Variants in MARK1 observed in about 807,000 individuals in gnomAD.
MARK1 encodes microtubule affinity regulating kinase 1, also known as serine/threonine-protein kinase MARK1.
In MARK1, 40 loss-of-function variants were observed where a neutral mutation model predicts 96.3. That is an observed-to-expected ratio of 0.42 (90% CI 0.32 to 0.54). The LOEUF is 0.54. Ranked by LOEUF, MARK1 falls within the 20% of genes least tolerant of loss-of-function variation. MARK1 has a pLI of 0.16. For synonymous variants in MARK1, 317 were observed against 341.2 expected (o/e 0.93, Z 0.78); for missense variants, 719 against 984.6 (o/e 0.73, Z 3.61).
At position 220,662,009 on chromosome 1, in the gene MARK1, A is replaced by T; in HGVS notation, c.2231A>T (p.His744Leu). ...QKERFLLFCV[H>L]GDARQDSLVQ... ...GAGAGATTTTTGCTTTTCTGTGTCC[A>T]TGGAGACGCTAGACAGGATAGCCTC... Residue 744 changes from histidine (H) to leucine (L), a missense_variant, in exon 18 of 18, where the codon CAT becomes CTT. By Grantham distance (99) the His-to-Leu change is moderately conservative (BLOSUM62 -3). Around this residue, in one of 4 missense-constraint regions of MARK1, gnomAD observed 501 missense variants for 588.3 expected, o/e 0.85. Transcript: ENST00000366917. The T allele has an allele frequency of 6.2e-7, 1 of 1,614,236 alleles. No homozygotes were observed. Among genetic ancestry groups the T allele is most frequent in the Non-Finnish European group, 8.5e-7 (1 of 1,180,032 alleles).
At chr1:220,589,938 A>C (rs1188011912) in intron 3 of MARK1, among the ~76,000 whole-genome samples, 1 of 152,180 alleles carries the variant, frequency 6.6e-6, no homozygotes, top group Non-Finnish European at 1.5e-5. Context: ...CTCTGTTTCA[A>C]AGTAAACTTC....
intron 6 of MARK1, among the ~76,000 whole-genome samples, chr1:220,608,392 A>G (rs908744529): frequency 6.6e-5 from 10 of 152,096 alleles, no homozygotes; most frequent in African/African-American, 1.4e-4. Context: ...TGTGGGATCA[A>G]TGGTGATATC....
intron 3 of MARK1, among the ~76,000 whole-genome samples, chr1:220,590,044 G>A (rs1365698505): frequency 2.6e-5 from 4 of 152,278 alleles, no homozygotes; most frequent in East Asian, 3.9e-4. Context: ...TGGGTTAAAA[G>A]ATCACATATG....
intron 6 of MARK1, among the ~76,000 whole-genome samples, chr1:220,611,094 A>G (rs1292261545): frequency 6.6e-6 from 1 of 152,188 alleles, no homozygotes; most frequent in African/African-American, 2.4e-5. Context: ...TGGGAGAACC[A>G]CTGCTCTCTT....
chr1:220,558,061 T>C (rs940023871), intron 1 of MARK1, among the ~76,000 whole-genome samples: 1 of 151,194 alleles, frequency 6.6e-6, no homozygotes, highest in Non-Finnish European at 1.5e-5. Flanking sequence ...GCCTGGGAGG[T>C]CAAGGTTGCA....
chr1:220,652,760 G>A (rs2103057624), intron 15 of MARK1, among the ~76,000 whole-genome samples: 1 of 152,194 alleles, frequency 6.6e-6, no homozygotes, highest in Middle Eastern at 3.4e-3. Flanking sequence ...TTTATTCAAA[G>A]CCTTTTTAAT....
chr1:220,552,913 A>G (rs1343647355), intron 1 of MARK1, among the ~76,000 whole-genome samples: 2 of 152,126 alleles, frequency 1.3e-5, no homozygotes, highest in Non-Finnish European at 2.9e-5. Flanking sequence ...GTGTTGTTCT[A>G]TGAAGCTGAC....
intron 1 of MARK1, among the ~76,000 whole-genome samples, chr1:220,565,210 C>T (rs1208580017): frequency 6.6e-6 from 1 of 151,970 alleles, no homozygotes; most frequent in African/African-American, 2.4e-5. Flanking sequence ...AAATATATTC[C>T]CATTTGTTTC....
intron 13 of MARK1, among the ~76,000 whole-genome samples, chr1:220,647,908 G>A (rs922297686): frequency 2.4e-4 from 36 of 152,078 alleles, no homozygotes; most frequent in African/African-American, 7.7e-4. Context: ...GGCGGAGGTC[G>A]CGGGAGAGCA....
chr1:220,616,324 T>G (rs1666749320), intron 7 of MARK1, among the ~76,000 whole-genome samples: 1 of 152,170 alleles, frequency 6.6e-6, no homozygotes, highest in Non-Finnish European at 1.5e-5. Context: ...CACAGACCCA[T>G]GTTTCCCTTA....
chr1:220,540,719 TATC>T (rs1349297451), intron 1 of MARK1, among the ~76,000 whole-genome samples: 9 of 14,986 alleles, frequency 6.0e-4, no homozygotes, highest in African/African-American at 6.4e-4. Flanking sequence ...ATTTGAGTCC[TATC>T]TTTTTTTCTT....
At chr1:220,545,439 G>GTTTTTTTTTTT (rs35422682) in intron 1 of MARK1, among the ~76,000 whole-genome samples, 3 of 87,260 alleles carry the variant, frequency 3.4e-5, no homozygotes, top group Non-Finnish European at 6.2e-5. Context: ...CTTTCTCATG[G>GTTTTTTTTTTT]TTTTTTTTTT....
chr1:220,563,536 A>G (rs551124015), intron 1 of MARK1, among the ~76,000 whole-genome samples: 5 of 152,216 alleles, frequency 3.3e-5, no homozygotes, highest in Non-Finnish European at 7.3e-5. Context: ...CTATCATTTT[A>G]GATAGTAGTA....
intron 1 of MARK1, among the ~76,000 whole-genome samples, chr1:220,556,493 A>AAAC (rs1662261320): frequency 6.8e-6 from 1 of 146,968 alleles, no homozygotes; most frequent in African/African-American, 2.5e-5. Context: ...CACAAAAAAA[A>AAAC]AAAAAAAAAA....
At position 220,654,557 on chromosome 1, in the gene MARK1, G is replaced by T. The variant is rs1415156799; in HGVS notation, c.1988+1205G>T. ...GTACCATTGGGGCAATTACTATGCA[G>T]CATGAAACTTGCTAGAGAAAGAACT... On this transcript the variant is annotated intron_variant, in intron 16 of 17. Transcript: ENST00000366917. This position sits in a 1 kb window ranked among gnomAD's most constrained non-coding sequence, Gnocchi z 4.0. 6.6e-6 allele frequency among the ~76,000 whole-genome samples: 1 copy of T among 152,182 alleles called. No individual in the cohort carries two copies. The highest frequency in any genetic ancestry group is 1.5e-5 in the Non-Finnish European group (1 of 68,038).
At chr1:220,624,952 A>T (rs901859436) in intron 9 of MARK1, among the ~76,000 whole-genome samples, 7 of 152,180 alleles carry the variant, frequency 4.6e-5, no homozygotes, top group Non-Finnish European at 8.8e-5. Context: ...AATAGATTAT[A>T]CTTCTGGTTT....
chr1:220,603,918 A>T, intron 5 of MARK1, 149 bp from the exon 6 acceptor site: 1 of 472,506 alleles, frequency 2.1e-6, no homozygotes, highest in Non-Finnish European at 3.8e-6. Flanking sequence ...CCTTTTTTCT[A>T]TTCATGTGTT....
intron 9 of MARK1, among the ~76,000 whole-genome samples, chr1:220,621,760 C>T (rs12060484): frequency 0.042 from 6,377 of 152,094 alleles, 425 homozygotes; most frequent in African/African-American, 0.14. Flanking sequence ...ATCCTCTAGT[C>T]TTTCTTCACT....
intron 16 of MARK1, among the ~76,000 whole-genome samples, chr1:220,655,873 C>T (rs1386484084): frequency 3.3e-5 from 5 of 152,096 alleles, no homozygotes; most frequent in African/African-American, 1.2e-4. Flanking sequence ...CTGCTCTGAC[C>T]TCTTCTCCCA....
Sources: allele counts gnomAD v4.1 joint callset (sites outside exome capture counted in the v4.1 genomes callset), GRCh38; gene constraint gnomAD v4.1.1; regional missense constraint gnomAD v4.1.1; non-coding constraint Gnocchi (gnomAD v3.1); transcripts MANE v1.5; gene names NCBI Gene and HGNC (gene_info 2026-07-23, HGNC 2026-07-21).